Variants in DST observed in about 807,000 individuals in gnomAD.
DST encodes the protein bullous pemphigoid antigen.
In DST, 253 loss-of-function variants were observed where a neutral mutation model predicts 875.2. That is an observed-to-expected ratio of 0.29 (90% CI 0.26 to 0.32). The LOEUF is 0.32. Ranked by LOEUF, DST falls within the 10% of genes least tolerant of loss-of-function variation. DST has a pLI of 1.00. For synonymous variants in DST, 3,124 were observed against 3,197.1 expected, an observed-to-expected ratio of 0.98 and a Z score of 0.77; for missense variants, 8,287 against 9,111.6, an observed-to-expected ratio of 0.91 and a Z score of 3.68.
intron 49 of DST, among the ~76,000 whole-genome samples, 154 bp from the exon 50 acceptor site, chr6:56,579,091 C>T (rs560071324): frequency 1.3e-5 from 2 of 152,320 alleles, no homozygotes; most frequent in African/African-American, 2.4e-5. Flanking sequence ...CAGAGTTCTT[C>T]GAATAAGGCC....
chr6:56,565,125 C>CTTTTTTTTTTTTTT (rs540989404), intron 55 of DST, among the ~76,000 whole-genome samples: 2 of 122,794 alleles, frequency 1.6e-5, no homozygotes, highest in Non-Finnish European at 3.5e-5. Flanking sequence ...TTTTTTTTTT[C>CTTTTTTTTTTTTTT]TTTTTTTTTT....
intron 2 of DST, among the ~76,000 whole-genome samples, chr6:56,948,504 T>A (rs1371496851): frequency 2.0e-5 from 3 of 152,090 alleles, no homozygotes; most frequent in Non-Finnish European, 2.9e-5. Flanking sequence ...CAGCTCAGGG[T>A]TCCATCGGGC....
intron 3 of DST, among the ~76,000 whole-genome samples, chr6:56,856,658 A>T (rs1290499075): frequency 6.6e-6 from 1 of 152,202 alleles, no homozygotes; most frequent in Non-Finnish European, 1.5e-5. Context: ...CAATTCATGA[A>T]CCTTGGTTGG....
chr6:56,878,707 C>G (rs1592000623), intron 3 of DST, among the ~76,000 whole-genome samples: 1 of 152,148 alleles, frequency 6.6e-6, no homozygotes, highest in Admixed American at 6.5e-5. Context: ...CCCCTAATCC[C>G]CTCTCTCCTT....
chr6:56,791,336 T>C (rs1731380389), intron 4 of DST, among the ~76,000 whole-genome samples: 1 of 152,134 alleles, frequency 6.6e-6, no homozygotes, highest in South Asian at 2.1e-4. Context: ...ATTGTGTATA[T>C]TGTAGGTGAG....
Position 56,639,457 on chromosome 6 carries a change from T to C in DST, c.2852A>G (p.Tyr951Cys), listed in dbSNP as rs527702007. Residue 951 changes from tyrosine (Y) to cysteine (C), a missense_variant, in exon 21 of 104, where the codon TAT (tyrosine) becomes TGT (cysteine). Coordinates refer to ENST00000680361, the MANE Select transcript of DST (RefSeq NM_001374736.1). Reference protein sequence around the residue: ...RNTNIARKKDYHAELMRELDQ... With the variant: ...RNTNIARKKDCHAELMRELDQ... ...TACAAAGGGTGTACTTACAGCATGA[T>C]AATCTTTTTTCCTAGCTATGTTGGT... 1.5e-5 allele frequency: 25 copies of C among 1,613,808 alleles called. No homozygotes were observed. In the South Asian group the frequency reaches 2.3e-4, roughly 15 times the overall value.
At chr6:56,611,733 A>G in intron 37 of DST, 137 bp from the exon 38 acceptor site, 2 of 616,654 alleles carry the variant, frequency 3.2e-6, no homozygotes, top group Non-Finnish European at 2.8e-6. Context: ...ATAACCTATC[A>G]GTTATTAGCA....
At chr6:56,626,172 T>C (rs2098733253) in intron 34 of DST, among the ~76,000 whole-genome samples, 1 of 152,082 alleles carries the variant, frequency 6.6e-6, no homozygotes, top group Non-Finnish European at 1.5e-5. Context: ...CAATTTATTA[T>C]TGAAGAAATT....
At chr6:56,575,564 G>A (rs1267869412) in intron 50 of DST, among the ~76,000 whole-genome samples, 1 of 152,100 alleles carries the variant, frequency 6.6e-6, no homozygotes, top group Non-Finnish European at 1.5e-5. Flanking sequence ...AGATTTGAGT[G>A]TTAGTTTGCT....
intron 4 of DST, among the ~76,000 whole-genome samples, chr6:56,796,406 CAG>C (rs760644588): frequency 1.3e-5 from 2 of 152,134 alleles, no homozygotes; most frequent in African/African-American, 2.4e-5. Flanking sequence ...ATTGGGAAGA[CAG>C]AGAATGGAGA....
rs2098516826 is a variant in DST, at chr6:56,608,447, G to C, written c.6181C>G (p.Leu2061Val). ...CDLITSSSAL[L>V]VLEAQRGYVG... Reference sequence around the variant, plus strand: ...TAGCCTCGCTGAGCTTCCAGGACCAGAAGAGCACTGCTGGAAGTTATTAAA... The same window carrying C: ...TAGCCTCGCTGAGCTTCCAGGACCACAAGAGCACTGCTGGAAGTTATTAAA... Residue 2061 changes from leucine to valine, a missense_variant, in exon 40 of 104, where the codon CTG becomes GTG. By Grantham distance (32) the Leu-to-Val change is conservative (BLOSUM62 1). Coordinates refer to ENST00000680361, the MANE Select transcript of DST (RefSeq NM_001374736.1). 3.1e-6 allele frequency: 5 copies of C among 1,613,702 alleles called. No homozygotes were observed. Among genetic ancestry groups the C allele is most frequent in the Non-Finnish European group, 4.2e-6 (5 of 1,179,760 alleles).
intron 3 of DST, among the ~76,000 whole-genome samples, chr6:56,875,133 G>T (rs1441037627): frequency 1.3e-5 from 2 of 152,118 alleles, no homozygotes; most frequent in African/African-American, 4.8e-5. Flanking sequence ...ACAGGCGCCC[G>T]CCACCACGCC....
intron 9 of DST, among the ~76,000 whole-genome samples, chr6:56,673,106 G>C (rs541282077): frequency 1.3e-5 from 2 of 151,912 alleles, no homozygotes; most frequent in Non-Finnish European, 2.9e-5. Flanking sequence ...AAAAAAATTA[G>C]CCTGGCATAA....
rs76958725 is a variant in DST, at chr6:56,517,023, G to T, written c.18357+175C>A. Among the ~76,000 whole-genome samples the T allele has an allele frequency of 0.025, 3,831 of 152,188 alleles. 72 individuals carry two copies. Among genetic ancestry groups the T allele is most frequent in the Non-Finnish European group, 0.042 (2,889 of 67,980 alleles). On this transcript the variant is annotated intron_variant, in intron 71 of 103. Coordinates refer to ENST00000680361, the MANE Select transcript of DST (RefSeq NM_001374736.1). The stretch of plus-strand genomic sequence containing the variant: ...ATTGTCCTCATAGTGATTCTCTTAA[G>T]AAATATTCCTTTCACTGTTATTCTA...
intron 78 of DST, among the ~76,000 whole-genome samples, chr6:56,502,677 T>C (rs1349984764): frequency 6.6e-6 from 1 of 152,074 alleles, no homozygotes. Flanking sequence ...TCCACACCCA[T>C]AATTGTACAT....
chr6:56,631,304 G>T lies in DST; in HGVS notation c.4049C>A (p.Ala1350Asp). The change falls in exon 30 of 104, where the codon GCC becomes GAC. Residue 1350 changes from alanine (A) to aspartate (D), a missense_variant. Transcript: ENST00000680361. The part of the protein sequence containing the change: ...KCEEFFSQAA[A>D]SSSVPTLRSE... ...TCGTAGGGTAGGGACTGATGAAGAG[G>T]CTGCTGCTTGACTGAAAAACTCCTC... The T allele has an allele frequency of 6.2e-7, 1 of 1,613,930 alleles. No homozygotes were observed. Among genetic ancestry groups the T allele is most frequent in the Non-Finnish European group, 8.5e-7 (1 of 1,179,914 alleles).
At chr6:56,700,828 G>A (rs1335123671) in intron 8 of DST, among the ~76,000 whole-genome samples, 1 of 151,968 alleles carries the variant, frequency 6.6e-6, no homozygotes, top group Non-Finnish European at 1.5e-5. Context: ...TGAATAATAA[G>A]CAAACAACAA....
intron 6 of DST, 137 bp from the exon 7 acceptor site, chr6:56,703,883 A>C (rs1449368464): frequency 6.0e-6 from 1 of 167,208 alleles, no homozygotes; most frequent in Non-Finnish European, 1.2e-5. Context: ...AAAAAAAAAA[A>C]AAAATGACAC....
intron 55 of DST, among the ~76,000 whole-genome samples, chr6:56,567,462 GCAA>G (rs1269187475): frequency 7.3e-6 from 1 of 136,786 alleles, no homozygotes; most frequent in Non-Finnish European, 1.6e-5. Flanking sequence ...CAAAGCAACA[GCAA>G]CAACAACAAA....
Sources: allele counts gnomAD v4.1 joint callset (sites outside exome capture counted in the v4.1 genomes callset), GRCh38; gene constraint gnomAD v4.1.1; transcripts MANE v1.5; gene names NCBI Gene and HGNC (gene_info 2026-07-23, HGNC 2026-07-21).